The following GDI2 variants were observed in gnomAD, a reference collection of about 807,000 sequenced individuals.
The protein encoded by GDI2 is rab GDP dissociation inhibitor beta.
A neutral mutation model predicts 54.2 loss-of-function variants in GDI2; 22 were observed. The observed-to-expected ratio is 0.41, with a 90% confidence interval of 0.29 to 0.58. The LOEUF (loss-of-function observed/expected upper bound fraction) is 0.58, where lower values mean the gene tolerates loss of function less well. Ranked by LOEUF, GDI2 falls within the 20% of genes least tolerant of loss-of-function variation. The probability of loss-of-function intolerance (pLI) is 0.35; values close to 1 mark genes in which losing one functional copy is unlikely to be tolerated. For missense variants in GDI2, 422 were observed against 546.0 expected, an observed-to-expected ratio of 0.77 and a Z score of 2.26; for synonymous variants, 177 against 182.1, an observed-to-expected ratio of 0.97 and a Z score of 0.23.
In GDI2 at chr10:5,813,366, GAA is replaced by G; in HGVS notation, c.-110_-109del. The G allele has an allele frequency of 2.7e-6, 2 of 737,230 alleles. No homozygotes were observed. The highest frequency in any genetic ancestry group is 2.2e-6 in the Non-Finnish European group (1 of 454,158). 45.7% of individuals were successfully genotyped at this position (737,230 alleles called of 1,614,324 possible). On this transcript the variant is annotated 5_prime_UTR_variant, in exon 1 of 11. Coordinates refer to ENST00000380191, the MANE Select transcript of GDI2 (RefSeq NM_001494.4). Reference sequence around the variant, plus strand: ...CTTGGGCGCGAAGGAAAGGGGAAGAGAAAGAGAGGAAAATGGAGCTGGCGACA... The same window carrying G: ...CTTGGGCGCGAAGGAAAGGGGAAGAGAGAGAGGAAAATGGAGCTGGCGACA...
At chr10:5,780,585 C>T (rs1181649427) in intron 6 of GDI2, among the ~76,000 whole-genome samples, 2 of 152,146 alleles carry the variant, frequency 1.3e-5, no homozygotes, top group Non-Finnish European at 2.9e-5. Context: ...TAGGATACAA[C>T]GTCAACATAC....
At position 5,785,919 on chromosome 10, in the gene GDI2, T is replaced by G. The variant is rs1414834265; in HGVS notation, c.520A>C (p.Lys174Gln). 1 of 1,612,096 alleles carries G rather than the reference T, an allele frequency of 6.2e-7. No individual in the cohort carries two copies. Among genetic ancestry groups the G allele is most frequent in the African/African-American group, 1.3e-5 (1 of 74,904 alleles). The change falls in exon 5 of 11, where the codon AAA (lysine) becomes CAA (glutamine). Residue 174 changes from lysine (K) to glutamine (Q), a missense_variant. Lys to Gln is a moderately conservative substitution (Grantham distance 53). Coordinates refer to ENST00000380191, the MANE Select transcript of GDI2 (RefSeq NM_001494.4). The part of the protein sequence containing the change: ...KKTTMRDVYK[K>Q]FDLGQDVIDF... ...ATAACGTCTTGACCCAAATCAAATT[T>G]CTTATACACATCTCGCATTGTGGTC...
Position 5,794,984 on chromosome 10 carries a change from TTACC to T in GDI2, c.285_288del (p.Val96LeufsTer8). The T allele has an allele frequency of 6.3e-7, 1 of 1,593,180 alleles. No individual in the cohort carries two copies. Among genetic ancestry groups the T allele is most frequent in the Non-Finnish European group, 8.6e-7 (1 of 1,161,044 alleles). On this transcript the variant is annotated frameshift_variant, in exon 4 of 11. Coordinates refer to ENST00000380191, the MANE Select transcript of GDI2 (RefSeq NM_001494.4). LOFTEE classifies it high-confidence loss of function. ...GTCACTTTAAAATCCAGATAGCGAG[TTACC>T]TCTGTATAAAGCAGCATCTTAACCA... is the stretch of plus-strand genomic sequence containing the variant.
At chr10:5,809,360 C>T (rs891599160) in intron 1 of GDI2, among the ~76,000 whole-genome samples, 1 of 152,058 alleles carries the variant, frequency 6.6e-6, no homozygotes, top group African/African-American at 2.4e-5. Flanking sequence ...TTTCACATTT[C>T]TTAGCCTAGA....
chr10:5,800,708 A>G lies in GDI2; in HGVS notation c.46-3T>C, dbSNP rs200243151. On this transcript the variant is annotated splice_polypyrimidine_tract_variant and splice_region_variant and intron_variant, in intron 1 of 10. Coordinates refer to ENST00000380191, the MANE Select transcript of GDI2 (RefSeq NM_001494.4). ...ATTATACCTGACAGGATACATTCCT[A>G]TAGAAAAAGCATAGTACCTTGAAAA... 6 of 1,431,178 alleles carry G rather than the reference A, an allele frequency of 4.2e-6. No homozygotes were observed. 88.7% of individuals were successfully genotyped at this position (1,431,178 alleles called of 1,614,324 possible).
chr10:5,785,110 G>T (rs932947585), intron 6 of GDI2, 32 bp downstream of exon 6: 3 of 1,513,558 alleles, frequency 2.0e-6, no homozygotes, highest in Non-Finnish European at 2.7e-6. Context: ...ATGAGGTTTT[G>T]GATCACTGAG....
intron 6 of GDI2, among the ~76,000 whole-genome samples, chr10:5,777,827 C>T (rs767903572): frequency 1.3e-4 from 20 of 152,200 alleles, no homozygotes; most frequent in Non-Finnish European, 2.6e-4. Flanking sequence ...TATAAGGACA[C>T]ATGCACACTT....
At chr10:5,798,954 A>C (rs1165542719) in intron 2 of GDI2, among the ~76,000 whole-genome samples, 1 of 152,180 alleles carries the variant, frequency 6.6e-6, no homozygotes, top group Non-Finnish European at 1.5e-5. Context: ...AGCTTGGACA[A>C]CAGAGCAAGA....
chr10:5,796,211 G>A (rs1009983848), intron 3 of GDI2, among the ~76,000 whole-genome samples: 18 of 151,804 alleles, frequency 1.2e-4, no homozygotes, highest in Admixed American at 5.3e-4. Flanking sequence ...TTAGCTGGGC[G>A]TGGTGGCACG....
chr10:5,794,902 G>A lies in GDI2; in HGVS notation c.371C>T (p.Ala124Val), dbSNP rs1841113155. The change falls in exon 4 of 11, where the codon GCA becomes GTA. Residue 124 changes from alanine to valine, a missense_variant. Coordinates refer to ENST00000380191, the MANE Select transcript of GDI2 (RefSeq NM_001494.4). ...GKIYKVPSTE[A>V]EALASSLMGL... ...CTACTTACTAGATGCCAGGGCTTCT[G>A]CTTCAGTGGAAGGAACCTTGTAGAT... The A allele has an allele frequency of 6.2e-7, 1 of 1,604,364 alleles. No individual in the cohort carries two copies.
At chr10:5,785,073 A>C (rs1015362197) in intron 6 of GDI2, 69 bp downstream of exon 6, 5 of 1,033,540 alleles carry the variant, frequency 4.8e-6, no homozygotes, top group Non-Finnish European at 5.5e-6. Context: ...TATTTAAACT[A>C]TATCTCATAT....
At chr10:5,782,113 C>A (rs1840771086) in intron 6 of GDI2, among the ~76,000 whole-genome samples, 1 of 152,138 alleles carries the variant, frequency 6.6e-6, no homozygotes, top group South Asian at 2.1e-4. Flanking sequence ...CCATCATACA[C>A]CAAGATCTCC....
rs1725658988 is a variant in GDI2 at position 5,776,299 on chromosome 10, A to C, written c.720-2358T>G. On this transcript the variant is annotated intron_variant, in intron 6 of 10. Transcript: ENST00000380191. This position sits in a 1 kb window ranked among gnomAD's most constrained non-coding sequence, Gnocchi z 5.3. ...AGCGTGAAAAGACTGAAAGCCCAGC[A>C]GAACATAGGATGTAGCTGCCCATCT... The C allele has an allele frequency of 1.7e-6, 1 of 575,362 alleles. No homozygotes were observed. Among genetic ancestry groups the C allele is most frequent in the African/African-American group, 1.9e-5 (1 of 53,302 alleles). The allele number at this position is 575,362 out of a possible 1,614,324, so 35.6% of individuals were successfully genotyped here.
rs1053628505 is a variant in GDI2 at position 5,776,260 on chromosome 10, G to A, written c.720-2319C>T. 6.0e-6 allele frequency: 3 copies of A among 497,494 alleles called. No homozygotes were observed. The highest frequency in any genetic ancestry group is 8.2e-5 in the East Asian group (2 of 24,364). The allele number at this position is 497,494 out of a possible 1,614,324, so 30.8% of individuals were successfully genotyped here. A position where few individuals can be genotyped will look rare whatever the true frequency, so the allele number is the denominator to read the frequency against. ...AACAGCGCCTCCTCATCCAAGACAG[G>A]TGGAAAAGGGCCCAGCGTGAAAAGA... On this transcript the variant is annotated intron_variant, in intron 6 of 10. Transcript: ENST00000380191. The surrounding 1 kb of genome is among the most constrained non-coding windows in gnomAD (Gnocchi z 5.3).
chr10:5,800,777 C>T, intron 1 of GDI2, 72 bp from the exon 2 acceptor site: 1 of 795,732 alleles, frequency 1.3e-6, no homozygotes, highest in South Asian at 1.4e-5. Flanking sequence ...TTTTTCAAGC[C>T]TGCCATTACA....
intron 4 of GDI2, among the ~76,000 whole-genome samples, chr10:5,791,389 C>T (rs1841009084): frequency 6.6e-6 from 1 of 152,164 alleles, no homozygotes; most frequent in East Asian, 1.9e-4. Context: ...GTGGGCAGAT[C>T]ACTTGAGGCT....
chr10:5,807,888 G>C (rs1841408230), intron 1 of GDI2, among the ~76,000 whole-genome samples: 2 of 152,136 alleles, frequency 1.3e-5, no homozygotes, highest in Non-Finnish European at 2.9e-5. Flanking sequence ...TATATGAATT[G>C]TTACACCTAC....
At chr10:5,801,230 G>A (rs1328196542) in intron 1 of GDI2, among the ~76,000 whole-genome samples, 1 of 152,142 alleles carries the variant, frequency 6.6e-6, no homozygotes, top group Non-Finnish European at 1.5e-5. Flanking sequence ...TGGGATTACA[G>A]GCGTAAGCCA....
At chr10:5,779,855 G>A (rs1281135790) in intron 6 of GDI2, among the ~76,000 whole-genome samples, 2 of 151,882 alleles carry the variant, frequency 1.3e-5, no homozygotes, top group African/African-American at 2.4e-5. Context: ...ACCACACCCA[G>A]CTAATTTTTT....
Sources: allele counts gnomAD v4.1 joint callset (sites outside exome capture counted in the v4.1 genomes callset), GRCh38; gene constraint gnomAD v4.1.1; non-coding constraint Gnocchi (gnomAD v3.1); transcripts MANE v1.5; gene names NCBI Gene and HGNC (gene_info 2026-07-23, HGNC 2026-07-21).